Variants in ZNF419 observed in about 807,000 individuals in gnomAD.
The protein encoded by ZNF419 is zinc finger protein 419A.
ZNF419 carries 8 observed loss-of-function variants against 14.9 expected under a neutral mutation model. The observed-to-expected ratio is 0.54, with a 90% CI of 0.32 to 0.97. The LOEUF is 0.97. Ranked by LOEUF, ZNF419 falls within the 50% of genes least tolerant of loss-of-function variation. ZNF419 has a pLI of 0.04. For missense variants in ZNF419, 595 were observed against 607.2 expected, an observed-to-expected ratio of 0.98 and a Z score of 0.21; for synonymous variants, 211 against 205.3, an observed-to-expected ratio of 1.03 and a Z score of -0.24.
chr19:57,491,130 G>T, intron 2 of ZNF419: 1 of 318,824 alleles, frequency 3.1e-6, no homozygotes. Flanking sequence ...GTAAACAGAT[G>T]TCCCCAGGAC....
At chr19:57,492,480 T>G (rs766184121) in intron 4 of ZNF419, 2 of 766,112 alleles carry the variant, frequency 2.6e-6, no homozygotes, top group Admixed American at 1.7e-5. Context: ...CCTTGCATAG[T>G]CCTTGAGCAT....
At chr19:57,491,833 A>G (rs765563232) in intron 3 of ZNF419, 1 of 695,690 alleles carries the variant, frequency 1.4e-6, no homozygotes, top group Non-Finnish European at 2.5e-6. Flanking sequence ...AGTCAGCTTG[A>G]TGGATCTTAT....
chr19:57,494,936 A>G lies in ZNF419; in HGVS notation c.*846A>G, dbSNP rs2089591037. On this transcript the variant is annotated 3_prime_UTR_variant, in exon 5 of 5. Transcript: ENST00000221735. ...ATTTTAGCCATGTTACTAAGTGTGAAGTAGTATTTCATTGTAGTTCTTAAT... is the reference window on the plus strand; with the variant it reads ...ATTTTAGCCATGTTACTAAGTGTGAGGTAGTATTTCATTGTAGTTCTTAAT... 1 of 154,414 alleles carries G rather than the reference A, an allele frequency of 6.5e-6. No individual in the cohort carries two copies. The highest frequency in any genetic ancestry group is 1.4e-5 in the Non-Finnish European group (1 of 69,508). 9.6% of individuals were successfully genotyped at this position (154,414 alleles called of 1,614,324 possible). A position where few individuals can be genotyped will look rare whatever the true frequency, so the allele number is the denominator to read the frequency against.
Position 57,494,571 on chromosome 19 carries a change from G to A in ZNF419, c.*481G>A, listed in dbSNP as rs1275725780. The A allele has an allele frequency of 6.0e-6, 1 of 165,734 alleles. No individual in the cohort carries two copies. The highest frequency in any genetic ancestry group is 1.3e-5 in the Non-Finnish European group (1 of 77,632). 10.3% of individuals were successfully genotyped at this position (165,734 alleles called of 1,614,324 possible). A position where few individuals can be genotyped will look rare whatever the true frequency, so the allele number is the denominator to read the frequency against. ...TTTTGATCTCGCTGAGTTTGGAGTTGGGGGAGGAAAGGAGTGGTCTTGGTT... is the reference window on the plus strand; with the variant it reads ...TTTTGATCTCGCTGAGTTTGGAGTTAGGGGAGGAAAGGAGTGGTCTTGGTT... On this transcript the variant is annotated 3_prime_UTR_variant, in exon 5 of 5. Coordinates refer to ENST00000221735, the MANE Select transcript of ZNF419 (RefSeq NM_024691.4).
At chr19:57,490,222 AC>A in intron 2 of ZNF419, 37 bp downstream of exon 2, 1 of 1,597,170 alleles carries the variant, frequency 6.3e-7, no homozygotes, top group South Asian at 1.1e-5. Flanking sequence ...ACACTCCTGC[AC>A]TCCTACCTAC....
rs376959722 is a variant in ZNF419 at position 57,491,553 on chromosome 19, A to G, written c.155A>G (p.Tyr52Cys). The part of the protein sequence containing the change: ...RLLDDAQRLL[Y>C]RNVMLENFTL... ...CTTGATGACGCTCAGAGGCTCCTCT[A>G]CCGCAATGTGATGCTGGAGAACTTT... The change falls in exon 3 of 5, where the codon TAC (tyrosine) becomes TGC (cysteine). Residue 52 changes from tyrosine (Y) to cysteine (C), a missense_variant. By Grantham distance (194) the Tyr-to-Cys change is radical. Coordinates refer to ENST00000221735, the MANE Select transcript of ZNF419 (RefSeq NM_024691.4). The G allele has an allele frequency of 6.2e-7, 1 of 1,613,976 alleles. No homozygotes were observed. Among genetic ancestry groups the G allele is most frequent in the Admixed American group, 1.7e-5 (1 of 60,006 alleles).
chr19:57,491,744 G>A (rs1478308885), intron 3 of ZNF419, 147 bp downstream of exon 3: 2 of 1,171,736 alleles, frequency 1.7e-6, no homozygotes, highest in Non-Finnish European at 2.5e-6. Context: ...AATAGGCCTG[G>A]GCTGTGTATA....
intron 1 of ZNF419, 189 bp downstream of exon 1, chr19:57,488,172 C>T: frequency 1.1e-6 from 1 of 878,120 alleles, no homozygotes; most frequent in South Asian, 1.7e-5. Context: ...TCAGCGAGTC[C>T]CGAACCTGAG....
At chr19:57,489,536 C>G (rs937944449) in intron 1 of ZNF419, 1 of 125,868 alleles carries the variant, frequency 7.9e-6, no homozygotes, top group Non-Finnish European at 1.6e-5. Flanking sequence ...GTTGCCCAGG[C>G]TAAACTGCAA....
At chr19:57,492,407 C>T (rs754688668) in intron 4 of ZNF419, 196 bp downstream of exon 4, 1 of 790,950 alleles carries the variant, frequency 1.3e-6, no homozygotes, top group East Asian at 2.4e-5. Flanking sequence ...ATGTTTCACC[C>T]AGTCATCAGC....
Position 57,487,997 on chromosome 19 carries a change from C to G in ZNF419, c.33+14C>G. The G allele has an allele frequency of 6.2e-7, 1 of 1,613,556 alleles. No homozygotes were observed. Among genetic ancestry groups the G allele is most frequent in the Non-Finnish European group, 8.5e-7 (1 of 1,179,870 alleles). On this transcript the variant is annotated intron_variant, in intron 1 of 4. Coordinates refer to ENST00000221735, the MANE Select transcript of ZNF419 (RefSeq NM_024691.4). The stretch of plus-strand genomic sequence containing the variant: ...GACCCCGCTCAGGTGAGCGCCGCGT[C>G]CTCCTGGCCTCCCCCGAATCCTAAA...
intron 4 of ZNF419, 105 bp downstream of exon 4, chr19:57,492,316 T>C (rs570739216): frequency 7.9e-7 from 1 of 1,259,392 alleles, no homozygotes; most frequent in Non-Finnish European, 1.2e-6. Context: ...TGTCGCTGAT[T>C]TCTATCTTTT....
intron 1 of ZNF419, 37 bp downstream of exon 1, chr19:57,488,020 A>G (rs2038261601): frequency 6.2e-7 from 1 of 1,612,596 alleles, no homozygotes; most frequent in Non-Finnish European, 8.5e-7. Flanking sequence ...CCCGAATCCT[A>G]AAGCCCTGTG....
intron 1 of ZNF419, chr19:57,489,305 A>C (rs559215371): frequency 1.3e-5 from 2 of 152,364 alleles, no homozygotes; most frequent in East Asian, 3.9e-4. Flanking sequence ...GTTCATATAC[A>C]CACAGGGGCA....
In ZNF419 at chr19:57,487,836, A is replaced by C; in HGVS notation, c.-115A>C. ...ACCAGCGCCGGAAGGCACGGTGGCGACTCACGCTGTTCTCGCCGCTCAGAG... is the reference window on the plus strand; with the variant it reads ...ACCAGCGCCGGAAGGCACGGTGGCGCCTCACGCTGTTCTCGCCGCTCAGAG... On this transcript the variant is annotated 5_prime_UTR_variant, in exon 1 of 5. Coordinates refer to ENST00000221735, the MANE Select transcript of ZNF419 (RefSeq NM_024691.4). The C allele has an allele frequency of 6.7e-7, 1 of 1,491,844 alleles. No individual in the cohort carries two copies. The highest frequency in any genetic ancestry group is 9.3e-7 in the Non-Finnish European group (1 of 1,073,880). The allele number at this position is 1,491,844 out of a possible 1,614,324, so 92.4% of individuals were successfully genotyped here.
At chr19:57,488,818 G>C (rs888960346) in intron 1 of ZNF419, 2 of 152,212 alleles carry the variant, frequency 1.3e-5, no homozygotes, top group African/African-American at 4.8e-5. Context: ...GAATCTTAAG[G>C]TTCCCTTTCA....
chr19:57,491,073 T>G, intron 2 of ZNF419: 1 of 205,522 alleles, frequency 4.9e-6, no homozygotes, highest in Non-Finnish European at 1.0e-5. Flanking sequence ...TGAGGTGATG[T>G]AGAGGGTAGT....
At position 57,492,866 on chromosome 19, in the gene ZNF419, T is replaced by C. The variant is rs200577301; in HGVS notation, c.309T>C (p.His103=). The C allele has an allele frequency of 1.9e-4, 305 of 1,613,544 alleles. 1 individual carries two copies. In the South Asian group the frequency reaches 2.1e-3, roughly 11 times the overall value. ...VTSAIPRGCW[H]GAEAEEAPEQ... ...TTTATCTTCTGTCAGGTTGTTGGCA[T>C]GGAGCCGAGGCTGAGGAGGCTCCTG... Residue 103 remains histidine, a synonymous_variant, in exon 5 of 5, where the codon CAT becomes CAC. Coordinates refer to ENST00000221735, the MANE Select transcript of ZNF419 (RefSeq NM_024691.4).
Position 57,491,501 on chromosome 19 carries a change from T to C in ZNF419, c.103T>C (p.Tyr35His). 1.2e-6 allele frequency: 2 copies of C among 1,614,092 alleles called. No individual in the cohort carries two copies. Among genetic ancestry groups the C allele is most frequent in the Non-Finnish European group, 1.7e-6 (2 of 1,180,020 alleles). Residue 35 changes from tyrosine (Y) to histidine (H), a missense_variant, in exon 3 of 5, where the codon TAC becomes CAC. Physicochemically the swap from Tyr to His is moderately conservative, Grantham distance 83. Transcript: ENST00000221735. ...TGTGACCTTTGAGGATGTGGCTGTC[T>C]ACTTCTCCCAGGAGGAATGGAGATT... is the stretch of plus-strand genomic sequence containing the variant. ...GYVTFEDVAV[Y>H]FSQEEWRLLD... is the part of the protein sequence containing the mutation.
Sources: allele counts gnomAD v4.1 joint callset, GRCh38; gene constraint gnomAD v4.1.1; transcripts MANE v1.5; gene names NCBI Gene and HGNC (gene_info 2026-07-23, HGNC 2026-07-21).